The following MAN1A1 variants were observed in gnomAD, a reference collection of about 807,000 sequenced individuals.
The protein encoded by MAN1A1 is mannosyl-oligosaccharide 1,2-alpha-mannosidase IA.
In MAN1A1, 29 loss-of-function variants were observed where a neutral mutation model predicts 70.8. That is an observed-to-expected ratio of 0.41 (90% CI 0.31 to 0.56). MAN1A1 has a LOEUF of 0.56. MAN1A1 is among the 20% of genes least tolerant of loss of function. MAN1A1 has a pLI of 0.29. For missense variants in MAN1A1, 747 were observed against 841.3 expected, an observed-to-expected ratio of 0.89 and a Z score of 1.39; for synonymous variants, 349 against 330.1, an observed-to-expected ratio of 1.06 and a Z score of -0.62.
chr6:119,285,745 T>C (rs954573672), intron 5 of MAN1A1, among the ~76,000 whole-genome samples: 8 of 152,148 alleles, frequency 5.3e-5, no homozygotes, highest in Non-Finnish European at 1.2e-4. Flanking sequence ...TTTTATAATT[T>C]AGTATTTAGG....
At chr6:119,254,247 T>A (rs554287528) in intron 5 of MAN1A1, among the ~76,000 whole-genome samples, 2 of 152,162 alleles carry the variant, frequency 1.3e-5, no homozygotes, top group Non-Finnish European at 2.9e-5. Context: ...CTACTTCAAA[T>A]GGGGATAGGC....
chr6:119,324,287 A>G (rs1007102593), intron 2 of MAN1A1, among the ~76,000 whole-genome samples: 13 of 152,346 alleles, frequency 8.5e-5, no homozygotes, highest in African/African-American at 3.1e-4. Flanking sequence ...TTTCTTTTCT[A>G]TAGCTTACTT....
Position 119,210,966 on chromosome 6 carries a change from T to G in MAN1A1, c.993-6084A>C, listed in dbSNP as rs1463623233. On this transcript the variant is annotated intron_variant, in intron 6 of 12. Transcript: ENST00000368468. ...TCATCATATTGAGTCTTTTTAAAACTGGGGAGGAGAAATCTACACACAATC... is the reference window on the plus strand; with the variant it reads ...TCATCATATTGAGTCTTTTTAAAACGGGGGAGGAGAAATCTACACACAATC... The G allele has an allele frequency of 6.8e-6, 3 of 442,730 alleles. No individual in the cohort carries two copies. In the Admixed American group the frequency reaches 7.3e-5, roughly 11 times the overall value. 27.4% of individuals were successfully genotyped at this position (442,730 alleles called of 1,614,324 possible). A position where few individuals can be genotyped will look rare whatever the true frequency, so the allele number is the denominator to read the frequency against.
chr6:119,345,255 T>C (rs963882248), intron 2 of MAN1A1, among the ~76,000 whole-genome samples: 2 of 151,366 alleles, frequency 1.3e-5, no homozygotes, highest in African/African-American at 2.4e-5. Flanking sequence ...AAAAAGTAAA[T>C]GGACTATTTT....
intron 5 of MAN1A1, among the ~76,000 whole-genome samples, chr6:119,270,530 C>G (rs1223735475): frequency 1.3e-5 from 2 of 152,146 alleles, no homozygotes; most frequent in Non-Finnish European, 2.9e-5. Flanking sequence ...TTCCCTCCAA[C>G]CCCTCTTGTC....
chr6:119,182,033 C>A (rs1034965941), intron 11 of MAN1A1, among the ~76,000 whole-genome samples: 1 of 152,188 alleles, frequency 6.6e-6, no homozygotes, highest in African/African-American at 2.4e-5. Flanking sequence ...TGCATCCTCA[C>A]TAAGACTGAT....
intron 6 of MAN1A1, among the ~76,000 whole-genome samples, chr6:119,205,962 G>A (rs1024716980): frequency 5.3e-5 from 8 of 152,188 alleles, no homozygotes; most frequent in African/African-American, 1.9e-4. Context: ...GATGAATGCC[G>A]AGATAAATGT....
In MAN1A1 at chr6:119,349,235, G is replaced by T; in HGVS notation, c.-170C>A. 2 of 1,212,528 alleles carry T rather than the reference G, an allele frequency of 1.6e-6. No homozygotes were observed. Among genetic ancestry groups the T allele is most frequent in the Non-Finnish European group, 2.0e-6 (2 of 976,060 alleles). 75.1% of individuals were successfully genotyped at this position (1,212,528 alleles called of 1,614,324 possible). ...CAACTCCGCGCCGGGTCTTCTCCCCGGGGCGGCTCCTCGGGCACACAGGCA... is the reference window on the plus strand; with the variant it reads ...CAACTCCGCGCCGGGTCTTCTCCCCTGGGCGGCTCCTCGGGCACACAGGCA... On this transcript the variant is annotated 5_prime_UTR_variant, in exon 2 of 13. Coordinates refer to ENST00000368468, the MANE Select transcript of MAN1A1 (RefSeq NM_005907.4).
At chr6:119,203,162 CG>C (rs1353787439) in intron 7 of MAN1A1, among the ~76,000 whole-genome samples, 1 of 152,128 alleles carries the variant, frequency 6.6e-6, no homozygotes, top group Admixed American at 6.6e-5. Context: ...AAATAAATTT[CG>C]GTTGTTTCTG....
Position 119,348,706 on chromosome 6 carries a change from G to C in MAN1A1, c.360C>G (p.Asn120Lys), listed in dbSNP as rs756081898. The C allele has an allele frequency of 2.5e-6, 4 of 1,606,472 alleles. No individual in the cohort carries two copies. The highest frequency in any genetic ancestry group is 1.1e-5 in the South Asian group (1 of 90,018). ...PGDPEAALED[N>K]LARIRENHER... ...CGTGGTTTTCGCGGATCCTGGCCAAGTTGTCCTCCAGGGCGGCCTCCGGGT... is the reference window on the plus strand; with the variant it reads ...CGTGGTTTTCGCGGATCCTGGCCAACTTGTCCTCCAGGGCGGCCTCCGGGT... The change falls in exon 2 of 13, where the codon AAC becomes AAG. Residue 120 changes from asparagine to lysine, a missense_variant. Physicochemically the swap from Asn to Lys is moderately conservative, Grantham distance 94. Coordinates refer to ENST00000368468, the MANE Select transcript of MAN1A1 (RefSeq NM_005907.4).
At chr6:119,226,594 A>G (rs939116424) in intron 6 of MAN1A1, among the ~76,000 whole-genome samples, 4 of 152,232 alleles carry the variant, frequency 2.6e-5, no homozygotes, top group African/African-American at 9.6e-5. Flanking sequence ...ATAAAAATTG[A>G]TATGATCAAT....
In MAN1A1 at chr6:119,302,108, A is replaced by G; in HGVS notation, c.701-5T>C. ...TAGTTGCTCCTTTGATGTTACCTGAAAAGATCAGAAAAATATTTGATAAAA... is the reference window on the plus strand; with the variant it reads ...TAGTTGCTCCTTTGATGTTACCTGAGAAGATCAGAAAAATATTTGATAAAA... On this transcript the variant is annotated splice_region_variant and splice_polypyrimidine_tract_variant and intron_variant, in intron 3 of 12. Transcript: ENST00000368468. 7.5e-7 allele frequency: 1 copy of G among 1,336,008 alleles called. No homozygotes were observed. Among genetic ancestry groups the G allele is most frequent in the Non-Finnish European group, 1.1e-6 (1 of 937,562 alleles). The allele number at this position is 1,336,008 out of a possible 1,614,324, so 82.8% of individuals were successfully genotyped here. A position where few individuals can be genotyped will look rare whatever the true frequency, so the allele number is the denominator to read the frequency against.
chr6:119,207,470 A>AT (rs1236943959), intron 6 of MAN1A1, among the ~76,000 whole-genome samples: 8 of 152,206 alleles, frequency 5.3e-5, no homozygotes, highest in African/African-American at 1.9e-4. Flanking sequence ...GGTTCAAGAA[A>AT]TTAGAGATGG....
At chr6:119,228,465 A>G (rs574555685) in intron 6 of MAN1A1, among the ~76,000 whole-genome samples, 61 of 152,296 alleles carry the variant, frequency 4.0e-4, no homozygotes, top group South Asian at 1.5e-3. Flanking sequence ...AAACTCAACC[A>G]TCTAGACTTG....
intron 6 of MAN1A1, among the ~76,000 whole-genome samples, chr6:119,214,769 G>C (rs1774150562): frequency 6.6e-6 from 1 of 152,278 alleles, no homozygotes; most frequent in South Asian, 2.1e-4. Flanking sequence ...GCCTCCCAAA[G>C]TGCTGAGATT....
intron 6 of MAN1A1, among the ~76,000 whole-genome samples, chr6:119,235,170 G>A (rs1370910730): frequency 6.6e-6 from 1 of 152,100 alleles, no homozygotes; most frequent in South Asian, 2.1e-4. Context: ...CCCAACAATG[G>A]ACTCTGAGTG....
At chr6:119,189,193 G>A (rs1250486346) in intron 10 of MAN1A1, among the ~76,000 whole-genome samples, 1 of 152,168 alleles carries the variant, frequency 6.6e-6, no homozygotes, top group Non-Finnish European at 1.5e-5. Context: ...AATACCATTT[G>A]AGTTAGCCAG....
At chr6:119,238,610 C>T (rs1355445197) in intron 6 of MAN1A1, among the ~76,000 whole-genome samples, 1 of 152,086 alleles carries the variant, frequency 6.6e-6, no homozygotes. Flanking sequence ...TACTAATGTC[C>T]TATTACTTGA....
chr6:119,335,934 A>ATTCTAGAGCAAAATGTTTT (rs1773438648), intron 2 of MAN1A1, among the ~76,000 whole-genome samples: 1 of 152,240 alleles, frequency 6.6e-6, no homozygotes, highest in Non-Finnish European at 1.5e-5. Flanking sequence ...CTGTGACTTC[A>ATTCTAGAGCAAAATGTTTT]TTCTAGAGCA....
Sources: gnomAD v4.1 joint callset for allele counts (sites outside exome capture counted in the v4.1 genomes callset) on GRCh38, gnomAD v4.1.1 for gene constraint, MANE v1.5 for transcripts, NCBI Gene and HGNC (gene_info 2026-07-23, HGNC 2026-07-21) for gene names.